Variants in EPB41L5 observed in about 807,000 individuals in gnomAD.
The protein encoded by EPB41L5 is band 4.1-like protein 5.
EPB41L5 carries 55 observed loss-of-function variants against 106.6 expected under a neutral mutation model. The observed-to-expected ratio is 0.52, with a 90% CI of 0.42 to 0.65. EPB41L5 has a LOEUF of 0.65. Among genes scored for constraint, EPB41L5 ranks in the 30% least tolerant of loss-of-function variants. EPB41L5 has a pLI of 0.00. For missense variants in EPB41L5, 871 were observed against 882.1 expected, an observed-to-expected ratio of 0.99 and a Z score of 0.16; for synonymous variants, 297 against 306.7, an observed-to-expected ratio of 0.97 and a Z score of 0.33.
chr2:120,048,109 G>T (rs1679941225), intron 3 of EPB41L5, among the ~76,000 whole-genome samples: 1 of 54,536 alleles, frequency 1.8e-5, no homozygotes, highest in African/African-American at 7.8e-5. Flanking sequence ...CAGGGATATT[G>T]GTCTAAAATT....
chr2:120,044,737 A>G (rs1400330670), intron 3 of EPB41L5, among the ~76,000 whole-genome samples: 1 of 151,968 alleles, frequency 6.6e-6, no homozygotes, highest in Non-Finnish European at 1.5e-5. Context: ...ATAATAATAA[A>G]TTTTTGGTAA....
At chr2:120,065,515 C>CTTTTT (rs11373500) in intron 3 of EPB41L5, among the ~76,000 whole-genome samples, 1 of 139,934 alleles carries the variant, frequency 7.1e-6, no homozygotes. Flanking sequence ...TTAGATTGTT[C>CTTTTT]TTTTTTTTTT....
chr2:120,127,822 G>A lies in EPB41L5; in HGVS notation c.1472G>A (p.Gly491Glu). ...GTTAATGTAGCCACCAGGCTTCCGG[G>A]ATTAGGGGAACCTGAAGTTGAATAT... Reference protein sequence around the residue: ...NDVNVATRLPGLGEPEVEYET... With the variant: ...NDVNVATRLPELGEPEVEYET... Residue 491 changes from glycine to glutamate, a missense_variant, in exon 17 of 25, where the codon GGA becomes GAA. By Grantham distance (98) the Gly-to-Glu change is moderately conservative. Transcript: ENST00000263713. 1 of 1,611,630 alleles carries A rather than the reference G, an allele frequency of 6.2e-7. No homozygotes were observed. The highest frequency in any genetic ancestry group is 1.1e-5 in the South Asian group (1 of 90,704).
intron 18 of EPB41L5, among the ~76,000 whole-genome samples, chr2:120,139,089 G>A (rs1686061625): frequency 6.6e-6 from 1 of 151,948 alleles, no homozygotes; most frequent in Non-Finnish European, 1.5e-5. Context: ...GGAAAGGACA[G>A]TCTCTTCAAT....
At chr2:120,089,691 C>A (rs891437523) in intron 11 of EPB41L5, among the ~76,000 whole-genome samples, 1 of 151,994 alleles carries the variant, frequency 6.6e-6, no homozygotes. Flanking sequence ...AAATATACAT[C>A]TTCATATATA....
intron 2 of EPB41L5, among the ~76,000 whole-genome samples, chr2:120,022,366 A>T (rs1007432012): frequency 1.1e-4 from 16 of 140,430 alleles, no homozygotes; most frequent in African/African-American, 3.9e-4. Context: ...CTGGTGTGTG[A>T]TGTTCTCCTC....
At chr2:120,104,457 GAA>G in intron 16 of EPB41L5, 9 of 1,304,704 alleles carry the variant, frequency 6.9e-6, no homozygotes, top group Non-Finnish European at 8.8e-6. Context: ...TGTTTGTGTT[GAA>G]AAGAGTGTGT....
chr2:120,046,280 A>G (rs1679769542), intron 3 of EPB41L5, among the ~76,000 whole-genome samples: 1 of 152,120 alleles, frequency 6.6e-6, no homozygotes, highest in Non-Finnish European at 1.5e-5. Flanking sequence ...CCAACAGTGT[A>G]AAATTGTTCC....
intron 11 of EPB41L5, 103 bp from the exon 12 acceptor site, chr2:120,090,244 G>A: frequency 2.2e-6 from 2 of 912,386 alleles, no homozygotes; most frequent in Non-Finnish European, 3.2e-6. Flanking sequence ...ATTTCAGGGA[G>A]CACACTAGAT....
At chr2:120,066,155 A>C (rs570758992) in intron 3 of EPB41L5, among the ~76,000 whole-genome samples, 1 of 152,238 alleles carries the variant, frequency 6.6e-6, no homozygotes, top group African/African-American at 2.4e-5. Context: ...AACCATTTGA[A>C]TATATTACCT....
intron 16 of EPB41L5, among the ~76,000 whole-genome samples, chr2:120,101,835 G>A (rs1415351699): frequency 1.3e-5 from 2 of 152,086 alleles, no homozygotes; most frequent in Admixed American, 6.5e-5. Flanking sequence ...ATAAGATTGA[G>A]TTCCCTTCTC....
intron 3 of EPB41L5, among the ~76,000 whole-genome samples, chr2:120,057,081 A>G (rs1053784898): frequency 1.3e-5 from 2 of 151,890 alleles, no homozygotes; most frequent in African/African-American, 4.8e-5. Context: ...TTTTGTAGAG[A>G]TGGGGGCTCA....
chr2:120,075,245 A>G (rs1216049285), intron 5 of EPB41L5, among the ~76,000 whole-genome samples: 1 of 152,254 alleles, frequency 6.6e-6, no homozygotes, highest in Non-Finnish European at 1.5e-5. Flanking sequence ...TTTCTAGCAT[A>G]AAGAAGAGAA....
chr2:120,090,455 C>A lies in EPB41L5; in HGVS notation c.982C>A (p.Pro328Thr). Residue 328 changes from proline (P) to threonine (T), a missense_variant, in exon 12 of 25, where the codon CCC (proline) becomes ACC (threonine). Coordinates refer to ENST00000263713, the MANE Select transcript of EPB41L5 (RefSeq NM_020909.4). ...TCATGCTTTCTTCCGCCTTCGAGGCCCCGTCCAAAAGAGTTCTCATCGATC... is the reference window on the plus strand; with the variant it reads ...TCATGCTTTCTTCCGCCTTCGAGGCACCGTCCAAAAGAGTTCTCATCGATC... ...EHHAFFRLRG[P>T]VQKSSHRSGF... is the part of the protein sequence containing the mutation. 1 of 1,613,602 alleles carries A rather than the reference C, an allele frequency of 6.2e-7. No individual in the cohort carries two copies.
intron 16 of EPB41L5, among the ~76,000 whole-genome samples, chr2:120,103,712 T>G (rs1684281636): frequency 6.6e-6 from 1 of 152,210 alleles, no homozygotes; most frequent in South Asian, 2.1e-4. Flanking sequence ...ATTTTTTTCT[T>G]CTGATTAAAA....
intron 7 of EPB41L5, 69 bp downstream of exon 7, chr2:120,075,822 A>G: frequency 8.1e-7 from 1 of 1,238,128 alleles, no homozygotes; most frequent in East Asian, 2.3e-5. Flanking sequence ...TTAGTTAAAG[A>G]AGATTCTAAT....
intron 16 of EPB41L5, among the ~76,000 whole-genome samples, chr2:120,123,195 A>G (rs957926352): frequency 2.0e-5 from 3 of 152,020 alleles, no homozygotes; most frequent in Non-Finnish European, 2.9e-5. Context: ...TTGTAAATAG[A>G]ACTTTTTCAG....
At chr2:120,154,071 C>T (rs1686795449) in intron 20 of EPB41L5, among the ~76,000 whole-genome samples, 1 of 151,810 alleles carries the variant, frequency 6.6e-6, no homozygotes, top group African/African-American at 2.4e-5. Context: ...CTCAGTTTCT[C>T]CATTACTGTC....
chr2:120,083,909 A>G (rs1207715870), intron 10 of EPB41L5, among the ~76,000 whole-genome samples: 2 of 152,142 alleles, frequency 1.3e-5, no homozygotes, highest in African/African-American at 4.8e-5. Context: ...TTTATCAGAG[A>G]CTAGGATTGC....
Sources: gnomAD v4.1 joint callset for allele counts (sites outside exome capture counted in the v4.1 genomes callset) on GRCh38, gnomAD v4.1.1 for gene constraint, MANE v1.5 for transcripts, NCBI Gene and HGNC (gene_info 2026-07-23, HGNC 2026-07-21) for gene names.